The following MYO1F variants were observed in gnomAD, a reference collection of about 807,000 sequenced individuals.
MYO1F encodes the protein unconventional myosin-If.
In MYO1F, 60 loss-of-function variants were observed where a neutral mutation model predicts 146.6. That is an observed-to-expected ratio of 0.41 (90% CI 0.33 to 0.51). The LOEUF (loss-of-function observed/expected upper bound fraction) is 0.51. Among genes scored for constraint, MYO1F ranks in the 20% least tolerant of loss-of-function variants. The probability of loss-of-function intolerance (pLI) is 0.25; values close to 1 mark genes in which losing one functional copy is unlikely to be tolerated. For synonymous variants in MYO1F, 602 were observed against 602.1 expected (o/e 1.00, Z 0.00); for missense variants, 1,274 against 1,534.3 (o/e 0.83, Z 2.83).
intron 6 of MYO1F, 53 bp from the exon 7 acceptor site, chr19:8,552,217 G>A: frequency 6.2e-7 from 1 of 1,606,626 alleles, no homozygotes; most frequent in Non-Finnish European, 8.5e-7. Context: ...TGCAGGTGGG[G>A]GAAGGGTTGG....
intron 1 of MYO1F, among the ~76,000 whole-genome samples, chr19:8,571,751 C>T (rs34261365): frequency 0.43 from 65,176 of 151,888 alleles, 15,024 homozygotes; most frequent in East Asian, 0.71. Context: ...GCACCCGCCA[C>T]CACGCCTGGG....
At position 8,554,473 on chromosome 19, in the gene MYO1F, A is replaced by C. The variant is rs149264737; in HGVS notation, c.326+4T>G. 1 of 1,603,532 alleles carries C rather than the reference A, an allele frequency of 6.2e-7. No homozygotes were observed. The highest frequency in any genetic ancestry group is 8.5e-7 in the Non-Finnish European group (1 of 1,171,144). ...GGTCTGTGGCCCCCCAACTCTGTCC[A>C]TACCTAATGATGACACACTGGTTCT... On this transcript the variant is annotated splice_donor_region_variant and intron_variant, in intron 4 of 27. Coordinates refer to ENST00000644032, the MANE Select transcript of MYO1F (RefSeq NM_012335.4).
At chr19:8,566,872 C>T (rs891414013) in intron 1 of MYO1F, among the ~76,000 whole-genome samples, 6 of 151,756 alleles carry the variant, frequency 4.0e-5, no homozygotes, top group African/African-American at 9.7e-5. Flanking sequence ...GATAGAGTCT[C>T]GCTATGTTGC....
chr19:8,526,831 T>C lies in MYO1F; in HGVS notation c.2579A>G (p.Glu860Gly). Residue 860 changes from glutamate (E) to glycine (G), a missense_variant, in exon 23 of 28, where the codon GAG becomes GGG. Transcript: ENST00000644032. ...GGGCAGGGGCCTCCGCGTCGCCTCC[T>C]CGAAGCGCTTGCACAGAAGGCTGAC... ...EFVSLLCKRF[E>G]EATRRPLPLT... 6.2e-7 allele frequency: 1 copy of C among 1,613,652 alleles called. No individual in the cohort carries two copies. The highest frequency in any genetic ancestry group is 2.2e-5 in the East Asian group (1 of 44,856).
At chr19:8,574,500 T>C (rs2145994808) in intron 1 of MYO1F, among the ~76,000 whole-genome samples, 1 of 152,256 alleles carries the variant, frequency 6.6e-6, no homozygotes, top group Admixed American at 6.5e-5. Flanking sequence ...GATTTTCTTT[T>C]CTTTCTTTTC....
intron 16 of MYO1F, among the ~76,000 whole-genome samples, chr19:8,538,802 A>G (rs1006161717): frequency 6.6e-6 from 1 of 151,962 alleles, no homozygotes; most frequent in Admixed American, 6.6e-5. Context: ...TGTTGCCCAG[A>G]CTAGATTTGT....
chr19:8,556,506 GAGAAAGAAAGAGAA>G (rs1366618049), intron 1 of MYO1F, among the ~76,000 whole-genome samples: 4 of 119,090 alleles, frequency 3.4e-5, no homozygotes, highest in African/African-American at 1.1e-4. Flanking sequence ...AAGAAAGAAA[GAGAAAGAAAGAGAA>G]AGAAAGAAAG....
In MYO1F at chr19:8,521,386, G is replaced by A. The variant is rs575777950; in HGVS notation, c.*142C>T. 2.0e-3 allele frequency: 1,683 copies of A among 860,230 alleles called. 27 individuals carry two copies. Among genetic ancestry groups the A allele is most frequent in the South Asian group, 0.015 (1,048 of 69,826 alleles). 53.3% of individuals were successfully genotyped at this position (860,230 alleles called of 1,614,324 possible). A position where few individuals can be genotyped will look rare whatever the true frequency, so the allele number is the denominator to read the frequency against. On this transcript the variant is annotated 3_prime_UTR_variant, in exon 28 of 28. Transcript: ENST00000644032. ...CAGTGACCTGGTGACCCAGGGCCTG[G>A]GCAGGACTGGAGGCCAAAGGACTGG...
At chr19:8,527,687 ACTGCAACCTCCCC>A (rs1972326134) in intron 21 of MYO1F, among the ~76,000 whole-genome samples, 1 of 152,056 alleles carries the variant, frequency 6.6e-6, no homozygotes, top group Admixed American at 6.6e-5. Context: ...ATCATAGCTC[ACTGCAACCTCCCC>A]CTCCTGGGCT....
chr19:8,567,198 C>G (rs1056838528), intron 1 of MYO1F, among the ~76,000 whole-genome samples: 2 of 151,380 alleles, frequency 1.3e-5, no homozygotes, highest in African/African-American at 4.9e-5. Context: ...TCTCGAGTAG[C>G]TGGGATTATA....
intron 17 of MYO1F, 172 bp from the exon 18 acceptor site, chr19:8,536,769 G>T: frequency 2.6e-6 from 1 of 385,686 alleles, no homozygotes. Context: ...TGGGGACTGG[G>T]GGGAGGGATC....
At chr19:8,569,011 C>T (rs1348832031) in intron 1 of MYO1F, among the ~76,000 whole-genome samples, 1 of 152,038 alleles carries the variant, frequency 6.6e-6, no homozygotes, top group Non-Finnish European at 1.5e-5. Flanking sequence ...AAAAAATGCG[C>T]CGAGATGCCT....
chr19:8,535,093 A>G (rs758853315), intron 19 of MYO1F, among the ~76,000 whole-genome samples: 4 of 150,806 alleles, frequency 2.7e-5, no homozygotes, highest in Non-Finnish European at 5.9e-5. Flanking sequence ...TGTACTTTTA[A>G]TAGAGAAGGG....
intron 10 of MYO1F, chr19:8,549,446 T>G (rs1373921315): frequency 6.6e-6 from 1 of 152,064 alleles, no homozygotes; most frequent in Non-Finnish European, 1.5e-5. Context: ...AATTTTTGTA[T>G]TTTTGTAGAG....
rs747249123 is a variant in MYO1F, at chr19:8,555,698, G to T, written c.102C>A (p.Ala34=). The change falls in exon 2 of 28, where the codon GCC becomes GCA. Residue 34 remains alanine (A), a synonymous_variant. Coordinates refer to ENST00000644032, the MANE Select transcript of MYO1F (RefSeq NM_012335.4). The part of the protein sequence containing the change: ...LLPQITEDAI[A]ANLRKRFMDD... ...CCATGAAGCGCTTCCGGAGGTTGGC[G>T]GCAATGGCGTCTTCGGTGATCTGGG... is the stretch of plus-strand genomic sequence containing the variant. 6.2e-7 allele frequency: 1 copy of T among 1,614,030 alleles called. No individual in the cohort carries two copies. The highest frequency in any genetic ancestry group is 1.3e-5 in the African/African-American group (1 of 74,922).
In MYO1F at chr19:8,538,907, A is replaced by G. The variant is rs116632618; in HGVS notation, c.1692+1040T>C. Among the ~76,000 whole-genome samples, 1,207 of 152,296 alleles carry G rather than the reference A, an allele frequency of 7.9e-3. 9 individuals are homozygous for G. Among genetic ancestry groups the G allele is most frequent in the African/African-American group, 0.027 (1,124 of 41,582 alleles). On this transcript the variant is annotated intron_variant, in intron 16 of 27. Coordinates refer to ENST00000644032, the MANE Select transcript of MYO1F (RefSeq NM_012335.4). ...GACACAGTTTCAGTTTGGGAAGATG[A>G]GAAAGTTCTGGAGATGGGTAGTGGT...
rs375715984 is a variant in MYO1F, at chr19:8,561,491, G to A, written c.4-5695C>T. On this transcript the variant is annotated intron_variant, in intron 1 of 27. Coordinates refer to ENST00000644032, the MANE Select transcript of MYO1F (RefSeq NM_012335.4). ...CTCTCTTTCTTTTTCTCTTTCTTTC[G>A]TTCTCTTTCTTCTCTCTCATTCTTC... Among the ~76,000 whole-genome samples, 1,028 of 116,000 alleles carry A rather than the reference G, an allele frequency of 8.9e-3. 9 individuals carry two copies. The highest frequency in any genetic ancestry group is 0.032 in the African/African-American group (969 of 29,828). The allele number at this position is 116,000 out of a possible 152,430, so 76.1% of individuals were successfully genotyped here.
In MYO1F at chr19:8,522,662, G is replaced by A. The variant is rs549007882; in HGVS notation, c.3022C>T (p.Leu1008Phe). The part of the protein sequence containing the change: ...RPPSEHNTEF[L>F]NVPDQGMAGM... ...GCCATGCCCTGGTCAGGCACGTTGA[G>A]GAATTCTGTGTTGTGCTCTGAGGGC... Residue 1008 changes from leucine to phenylalanine, a missense_variant, in exon 26 of 28, where the codon CTC (leucine) becomes TTC (phenylalanine). Around this residue, in one of 2 missense-constraint regions of MYO1F, gnomAD observed 374 missense variants for 379.2 expected, o/e 0.99. Coordinates refer to ENST00000644032, the MANE Select transcript of MYO1F (RefSeq NM_012335.4). 1 of 1,613,968 alleles carries A rather than the reference G, an allele frequency of 6.2e-7. No homozygotes were observed. The highest frequency in any genetic ancestry group is 1.3e-5 in the African/African-American group (1 of 75,042).
rs1216132400 is a variant in MYO1F, at chr19:8,522,800, C to A, written c.2884G>T (p.Ala962Ser). 1.3e-6 allele frequency: 2 copies of A among 1,588,520 alleles called. No homozygotes were observed. The highest frequency in any genetic ancestry group is 3.5e-5 in the Admixed American group (2 of 56,566). The change falls in exon 26 of 28, where the codon GCC becomes TCC. Residue 962 changes from alanine to serine, a missense_variant. Physicochemically the swap from Ala to Ser is moderately conservative, Grantham distance 99. This residue lies in a region of MYO1F where 374 missense variants were observed against 379.2 expected (regional missense o/e 0.99). Coordinates refer to ENST00000644032, the MANE Select transcript of MYO1F (RefSeq NM_012335.4). ...GMDRNGVPPS[A>S]RGGPLPLEIM... ...TCCAGGGGCAGGGGGCCCCCTCTGG[C>A]AGAGGGGGGCACCCCATTGCGATCC...
Sources: gnomAD v4.1 joint callset for allele counts (sites outside exome capture counted in the v4.1 genomes callset) on GRCh38, gnomAD v4.1.1 for gene constraint, gnomAD v4.1.1 regional missense constraint, MANE v1.5 for transcripts, NCBI Gene and HGNC (gene_info 2026-07-23, HGNC 2026-07-21) for gene names.